The following SORCS3 variants were observed in gnomAD, a reference collection of about 807,000 sequenced individuals.
SORCS3 encodes the protein VPS10 domain-containing receptor SorCS3.
A neutral mutation model predicts 146.3 loss-of-function variants in SORCS3; 57 were observed. The observed-to-expected ratio is 0.39, with a 90% CI of 0.31 to 0.49. The LOEUF is 0.49. Among genes scored for constraint, SORCS3 ranks in the 20% least tolerant of loss-of-function variants. SORCS3 has a pLI of 0.92. For synonymous variants in SORCS3, 653 were observed against 618.5 expected, an observed-to-expected ratio of 1.06 and a Z score of -0.83; for missense variants, 1,341 against 1,575.5, an observed-to-expected ratio of 0.85 and a Z score of 2.52.
At chr10:104,824,702 T>C (rs1383445332) in intron 1 of SORCS3, among the ~76,000 whole-genome samples, 7 of 152,242 alleles carry the variant, frequency 4.6e-5, no homozygotes, top group Admixed American at 2.0e-4. Context: ...GCCAAGCTCC[T>C]GCCTTTGCCC....
intron 4 of SORCS3, among the ~76,000 whole-genome samples, chr10:105,015,054 C>A (rs990560532): frequency 1.3e-5 from 2 of 152,144 alleles, no homozygotes; most frequent in Non-Finnish European, 2.9e-5. Context: ...GTAATCAATG[C>A]AATGCAAATT....
chr10:104,997,558 GAGA>G (rs1346074086), intron 4 of SORCS3, among the ~76,000 whole-genome samples: 3 of 152,166 alleles, frequency 2.0e-5, no homozygotes, highest in African/African-American at 7.2e-5. Flanking sequence ...CCAGTCTTGG[GAGA>G]AGAAGAAGGT....
chr10:105,178,100 T>C lies in SORCS3; in HGVS notation c.1936T>C (p.Tyr646His). 2 of 1,613,470 alleles carry C rather than the reference T, an allele frequency of 1.2e-6. No individual in the cohort carries two copies. Among genetic ancestry groups the C allele is most frequent in the East Asian group, 2.2e-5 (1 of 44,814 alleles). The change falls in exon 14 of 27, where the codon TAT (tyrosine) becomes CAT (histidine). Residue 646 changes from tyrosine to histidine, a missense_variant. Tyr to His is a moderately conservative substitution (Grantham distance 83, BLOSUM62 2). Transcript: ENST00000369701. ...TGATGAGGGCCACTCTTGGGACAAG[T>C]ATGGTTTCACTTCGGTTCCTCTCTT... ...SFDEGHSWDK[Y>H]GFTSVPLFVD... is the part of the protein sequence containing the mutation.
chr10:105,024,378 G>A (rs1026515920), intron 4 of SORCS3, among the ~76,000 whole-genome samples: 25 of 152,066 alleles, frequency 1.6e-4, no homozygotes, highest in Non-Finnish European at 2.8e-4. Context: ...ACTGTTCTTT[G>A]AGGTGTCATG....
At chr10:104,816,316 T>C (rs1194763979) in intron 1 of SORCS3, among the ~76,000 whole-genome samples, 1 of 152,242 alleles carries the variant, frequency 6.6e-6, no homozygotes, top group African/African-American at 2.4e-5. Context: ...TGCTTTTCTT[T>C]AATCTGCTGA....
At chr10:104,848,165 A>T (rs2018229082) in intron 2 of SORCS3, among the ~76,000 whole-genome samples, 1 of 152,130 alleles carries the variant, frequency 6.6e-6, no homozygotes, top group Non-Finnish European at 1.5e-5. Context: ...AACCAATCCC[A>T]GCACCAGCCC....
chr10:105,169,210 T>A (rs1490663400), intron 13 of SORCS3, among the ~76,000 whole-genome samples: 2 of 152,158 alleles, frequency 1.3e-5, no homozygotes, highest in Non-Finnish European at 2.9e-5. Context: ...TCGATTTCTG[T>A]CATGGATGCT....
At chr10:105,231,352 T>C (rs1186377632) in intron 20 of SORCS3, among the ~76,000 whole-genome samples, 2 of 152,220 alleles carry the variant, frequency 1.3e-5, no homozygotes, top group Non-Finnish European at 2.9e-5. Context: ...TCAACTTTTA[T>C]ATATGAACCT....
At chr10:105,145,013 G>A (rs768114929) in intron 8 of SORCS3, among the ~76,000 whole-genome samples, 1 of 152,092 alleles carries the variant, frequency 6.6e-6, no homozygotes, top group Non-Finnish European at 1.5e-5. Context: ...TGGAGGGCTT[G>A]TTCAGATGGA....
At chr10:104,863,002 G>A (rs747591884) in intron 2 of SORCS3, among the ~76,000 whole-genome samples, 7 of 152,152 alleles carry the variant, frequency 4.6e-5, no homozygotes, top group Non-Finnish European at 8.8e-5. Flanking sequence ...GGAAACATCT[G>A]CTTGTTTTGT....
At chr10:105,008,370 C>T (rs571224389) in intron 4 of SORCS3, among the ~76,000 whole-genome samples, 18 of 152,320 alleles carry the variant, frequency 1.2e-4, no homozygotes, top group Non-Finnish European at 1.9e-4. Context: ...AGATCTCCTT[C>T]TTCACTTTAA....
intron 7 of SORCS3, among the ~76,000 whole-genome samples, chr10:105,121,737 A>G (rs949983094): frequency 3.3e-5 from 5 of 152,166 alleles, no homozygotes; most frequent in African/African-American, 1.2e-4. Flanking sequence ...ATTCAATACA[A>G]TGTATTCATG....
chr10:105,101,487 G>A (rs1250299564), intron 6 of SORCS3, among the ~76,000 whole-genome samples: 2 of 152,136 alleles, frequency 1.3e-5, no homozygotes, highest in African/African-American at 4.8e-5. Context: ...AGACGGCAAG[G>A]CCACCAAATT....
chr10:104,735,375 T>C (rs979214659), intron 1 of SORCS3, among the ~76,000 whole-genome samples: 2 of 151,668 alleles, frequency 1.3e-5, no homozygotes, highest in African/African-American at 2.4e-5. Context: ...CCTCAGCTGT[T>C]CACTTTCAGG....
chr10:104,922,703 G>A (rs1297655825), intron 3 of SORCS3, among the ~76,000 whole-genome samples: 1 of 152,198 alleles, frequency 6.6e-6, no homozygotes. Context: ...GTGGAGTTCA[G>A]GGTTTGGGGG....
intron 2 of SORCS3, among the ~76,000 whole-genome samples, chr10:104,898,030 G>C (rs2018816676): frequency 6.6e-6 from 1 of 152,176 alleles, no homozygotes; most frequent in South Asian, 2.1e-4. Context: ...GGGTAGGTTT[G>C]TGGTGGCTTC....
At chr10:105,255,257 G>T (rs1247626194) in intron 23 of SORCS3, among the ~76,000 whole-genome samples, 3 of 151,628 alleles carry the variant, frequency 2.0e-5, no homozygotes, top group Non-Finnish European at 4.4e-5. Context: ...TCACTCATAG[G>T]TGGGAATTGA....
At chr10:105,220,464 C>G (rs1258241508) in intron 19 of SORCS3, among the ~76,000 whole-genome samples, 1 of 152,036 alleles carries the variant, frequency 6.6e-6, no homozygotes, top group African/African-American at 2.4e-5. Context: ...GATAGAAAGC[C>G]AAGAAGAAAC....
intron 22 of SORCS3, among the ~76,000 whole-genome samples, chr10:105,248,814 C>T (rs1326151800): frequency 6.6e-6 from 1 of 151,784 alleles, no homozygotes; most frequent in African/African-American, 2.4e-5. Flanking sequence ...TAAAATTGAG[C>T]TAGGATGGTT....
Sources: allele counts gnomAD v4.1 joint callset (sites outside exome capture counted in the v4.1 genomes callset), GRCh38; gene constraint gnomAD v4.1.1; transcripts MANE v1.5; gene names NCBI Gene and HGNC (gene_info 2026-07-23, HGNC 2026-07-21).